The following KCNMB2 variants were observed in gnomAD, a reference collection of about 807,000 sequenced individuals.
The protein encoded by KCNMB2 is calcium-activated potassium channel subunit beta-2.
KCNMB2 carries 9 observed loss-of-function variants against 24.5 expected under a neutral mutation model. The observed-to-expected ratio is 0.37, with a 90% CI of 0.22 to 0.64. The LOEUF is 0.64. Among genes scored for constraint, KCNMB2 ranks in the 30% least tolerant of loss-of-function variants. The pLI is 0.63. For synonymous variants in KCNMB2, 109 were observed against 104.4 expected (o/e 1.04, Z -0.27); for missense variants, 226 against 284.3 (o/e 0.79, Z 1.47).
intron 1 of KCNMB2, among the ~76,000 whole-genome samples, chr3:178,590,317 T>A (rs1185732438): frequency 6.6e-6 from 1 of 152,132 alleles, no homozygotes; most frequent in Non-Finnish European, 1.5e-5. Flanking sequence ...TTTCTCCCCT[T>A]CATATACACA....
At chr3:178,733,956 G>A (rs1723236764) in intron 1 of KCNMB2, among the ~76,000 whole-genome samples, 1 of 152,170 alleles carries the variant, frequency 6.6e-6, no homozygotes, top group African/African-American at 2.4e-5. Context: ...TGAATTCTAG[G>A]TGTATTTTAA....
chr3:178,755,718 G>A (rs888256302), intron 1 of KCNMB2, among the ~76,000 whole-genome samples: 6 of 152,022 alleles, frequency 3.9e-5, no homozygotes, highest in African/African-American at 1.2e-4. Flanking sequence ...AAAAACTTTC[G>A]GCTATTGGAA....
chr3:178,753,762 T>A (rs1033481060), intron 1 of KCNMB2, among the ~76,000 whole-genome samples: 1 of 152,160 alleles, frequency 6.6e-6, no homozygotes, highest in African/African-American at 2.4e-5. Flanking sequence ...AATTAACATA[T>A]TCATTACCTC....
At chr3:178,785,982 C>G (rs552220790) in intron 1 of KCNMB2, among the ~76,000 whole-genome samples, 1 of 152,104 alleles carries the variant, frequency 6.6e-6, no homozygotes, top group Non-Finnish European at 1.5e-5. Flanking sequence ...TAGCTTGCAC[C>G]CAGTGTAATA....
rs71181241 is a variant in KCNMB2 at position 178,691,107 on chromosome 3, C to CTTTTTTTTTTTTTTTTT, written c.-67-116232_-67-116216dup. Among the ~76,000 whole-genome samples the CTTTTTTTTTTTTTTTTT allele has an allele frequency of 5.0e-5, 4 of 79,736 alleles. 2 individuals carry two copies. Among genetic ancestry groups the CTTTTTTTTTTTTTTTTT allele is most frequent in the African/African-American group, 2.5e-4 (4 of 16,306 alleles). The allele number at this position is 79,736 out of a possible 152,430, so 52.3% of individuals were successfully genotyped here. On this transcript the variant is annotated intron_variant, in intron 1 of 4. Transcript: ENST00000452583. ...TGTACAGCATAATTCCCCATTAAGTCTTTTTTTTTTTTTTTTTTTTGATAG... is the reference window on the plus strand; with the variant it reads ...TGTACAGCATAATTCCCCATTAAGTCTTTTTTTTTTTTTTTTTTTTTTTTTTTTTTTTTTTTTGATAG...
At chr3:178,799,721 C>A (rs760851738) in intron 1 of KCNMB2, among the ~76,000 whole-genome samples, 3 of 152,014 alleles carry the variant, frequency 2.0e-5, no homozygotes, top group African/African-American at 7.2e-5. Flanking sequence ...GTAGCCAAAG[C>A]CATACTGAGC....
At position 178,605,455 on chromosome 3, in the gene KCNMB2, C is replaced by T. The variant is rs555498085; in HGVS notation, c.-68+68744C>T. Among the ~76,000 whole-genome samples, 6 of 152,258 alleles carry T rather than the reference C, an allele frequency of 3.9e-5. No homozygotes were observed. In the East Asian group the frequency reaches 5.8e-4, roughly 15 times the overall value. ...TGCTGCTGTAACAAATACCTTAAAACGTATCTTAAAACAGGATAAAGGGTG... is the reference window on the plus strand; with the variant it reads ...TGCTGCTGTAACAAATACCTTAAAATGTATCTTAAAACAGGATAAAGGGTG... On this transcript the variant is annotated intron_variant, in intron 1 of 4. Coordinates refer to ENST00000452583, the MANE Select transcript of KCNMB2 (RefSeq NM_181361.3).
intron 1 of KCNMB2, among the ~76,000 whole-genome samples, chr3:178,756,094 A>G (rs574385076): frequency 6.6e-6 from 1 of 152,296 alleles, no homozygotes; most frequent in East Asian, 1.9e-4. Flanking sequence ...TTCAACTGGA[A>G]AGATGATCAT....
At chr3:178,554,469 T>C (rs1011796850) in intron 1 of KCNMB2, among the ~76,000 whole-genome samples, 1 of 152,216 alleles carries the variant, frequency 6.6e-6, no homozygotes, top group Non-Finnish European at 1.5e-5. Context: ...TAAACATGTA[T>C]TGTTTAAAGA....
Position 178,561,405 on chromosome 3 carries a change from TG to T in KCNMB2, c.-68+24695del, listed in dbSNP as rs372749142. On this transcript the variant is annotated intron_variant, in intron 1 of 4. Transcript: ENST00000452583. ...TGTTTATTTGCTTTTACATGAAAGC[TG>T]TGTGGAGTTGCGCAACTAGACTAGG... 4.8e-4 allele frequency among the ~76,000 whole-genome samples: 73 copies of T among 152,296 alleles called. 1 individual carries two copies. The East Asian group carries it at 0.011, about 23-fold the overall frequency.
chr3:178,619,930 G>C (rs746367095), intron 1 of KCNMB2, among the ~76,000 whole-genome samples: 2 of 152,066 alleles, frequency 1.3e-5, no homozygotes, highest in Non-Finnish European at 2.9e-5. Context: ...ATAAATCATA[G>C]GGAAATTTTT....
chr3:178,752,223 A>G (rs962314652), intron 1 of KCNMB2, among the ~76,000 whole-genome samples: 1 of 152,266 alleles, frequency 6.6e-6, no homozygotes, highest in African/African-American at 2.4e-5. Flanking sequence ...AAGTGTCAGA[A>G]GAGAACTATA....
At chr3:178,694,346 C>T (rs1721798139) in intron 1 of KCNMB2, among the ~76,000 whole-genome samples, 1 of 152,178 alleles carries the variant, frequency 6.6e-6, no homozygotes, top group South Asian at 2.1e-4. Context: ...GAGACACAGT[C>T]AAACCATATT....
At chr3:178,554,445 A>C (rs1716057662) in intron 1 of KCNMB2, among the ~76,000 whole-genome samples, 1 of 152,246 alleles carries the variant, frequency 6.6e-6, no homozygotes, top group Non-Finnish European at 1.5e-5. Context: ...TCACAGTGAT[A>C]TTTAGAGAGT....
intron 1 of KCNMB2, among the ~76,000 whole-genome samples, chr3:178,740,672 A>G (rs1723466543): frequency 6.6e-6 from 1 of 152,192 alleles, no homozygotes; most frequent in Admixed American, 6.5e-5. Flanking sequence ...CATCACCATC[A>G]GCAGAGTTAT....
At chr3:178,596,329 C>T (rs528358230) in intron 1 of KCNMB2, among the ~76,000 whole-genome samples, 1 of 152,050 alleles carries the variant, frequency 6.6e-6, no homozygotes, top group Non-Finnish European at 1.5e-5. Flanking sequence ...TTGGCCTTTG[C>T]TCATGTTATC....
chr3:178,740,629 T>C (rs1025369240), intron 1 of KCNMB2, among the ~76,000 whole-genome samples: 1 of 152,344 alleles, frequency 6.6e-6, no homozygotes, highest in African/African-American at 2.4e-5. Flanking sequence ...TTGTGCTCTG[T>C]CTTTAAGGAT....
intron 1 of KCNMB2, among the ~76,000 whole-genome samples, chr3:178,599,406 C>T (rs1250520099): frequency 6.6e-6 from 1 of 151,968 alleles, no homozygotes; most frequent in Non-Finnish European, 1.5e-5. Flanking sequence ...TGGCAAGCTA[C>T]TAAAAAAGCA....
At chr3:178,586,534 C>CTTTTTTTTTTTTTTTTT (rs1717436976) in intron 1 of KCNMB2, among the ~76,000 whole-genome samples, 2 of 68,512 alleles carry the variant, frequency 2.9e-5, no homozygotes, top group African/African-American at 6.1e-5. Flanking sequence ...TTTTTTTTTT[C>CTTTTTTTTTTTTTTTTT]TTTCTTTTTT....
Sources: allele counts gnomAD v4.1 joint callset (sites outside exome capture counted in the v4.1 genomes callset), GRCh38; gene constraint gnomAD v4.1.1; transcripts MANE v1.5; gene names NCBI Gene and HGNC (gene_info 2026-07-23, HGNC 2026-07-21).